Variants in LRFN2 observed in about 807,000 individuals in gnomAD.
LRFN2 encodes leucine rich repeat and fibronectin type III domain containing 2.
Under a neutral mutation model 37.3 loss-of-function variants are expected in LRFN2, and 18 were observed. The observed-to-expected ratio is 0.48, with a 90% CI of 0.33 to 0.72. The LOEUF (loss-of-function observed/expected upper bound fraction) is 0.72. Ranked by LOEUF, LRFN2 falls within the 30% of genes least tolerant of loss-of-function variation. The probability of loss-of-function intolerance (pLI) is 0.02; values close to 1 mark genes in which losing one functional copy is unlikely to be tolerated. For synonymous variants in LRFN2, 556 were observed against 466.6 expected (o/e 1.19, Z -2.47); for missense variants, 1,006 against 1,060.7 (o/e 0.95, Z 0.72).
chr6:40,439,777 C>T (rs1270038849), intron 1 of LRFN2, among the ~76,000 whole-genome samples: 1 of 152,160 alleles, frequency 6.6e-6, no homozygotes. Flanking sequence ...GAAGCAGGCT[C>T]AATGAGTGTG....
chr6:40,568,928 A>G (rs1227511960), intron 1 of LRFN2, among the ~76,000 whole-genome samples: 4 of 152,176 alleles, frequency 2.6e-5, no homozygotes, highest in Non-Finnish European at 5.9e-5. Context: ...TCTAACGGAT[A>G]AAGAAACTAA....
At chr6:40,469,168 G>A (rs1764540319) in intron 1 of LRFN2, among the ~76,000 whole-genome samples, 1 of 152,126 alleles carries the variant, frequency 6.6e-6, no homozygotes, top group African/African-American at 2.4e-5. Context: ...ACCGAGGCAG[G>A]GGTTGGAATG....
chr6:40,494,940 C>A (rs1283902540), intron 1 of LRFN2, among the ~76,000 whole-genome samples: 1 of 152,094 alleles, frequency 6.6e-6, no homozygotes, highest in Non-Finnish European at 1.5e-5. Context: ...TGTCCTTGGA[C>A]TTATCTCCTT....
chr6:40,421,759 G>T lies in LRFN2; in HGVS notation c.1400+9955C>A, dbSNP rs576906538. Among the ~76,000 whole-genome samples, 51 of 152,278 alleles carry T rather than the reference G, an allele frequency of 3.3e-4. 1 individual carries two copies. The highest frequency in any genetic ancestry group is 2.1e-4 in the South Asian group (1 of 4,818). ...AACTTTGGAATGCTCTTGACTGAAT[G>T]GAGGGGTTCATTCAATTGGTTGGTG... On this transcript the variant is annotated intron_variant, in intron 2 of 2. Transcript: ENST00000338305.
chr6:40,444,388 A>G (rs1561858538), intron 1 of LRFN2, among the ~76,000 whole-genome samples: 1 of 152,226 alleles, frequency 6.6e-6, no homozygotes, highest in African/African-American at 2.4e-5. Flanking sequence ...TGGTTTTGCC[A>G]TTTATAGAAC....
At chr6:40,394,736 G>A (rs1009625343) in intron 2 of LRFN2, among the ~76,000 whole-genome samples, 2 of 152,066 alleles carry the variant, frequency 1.3e-5, no homozygotes, top group African/African-American at 2.4e-5. Flanking sequence ...GGGACCTGGT[G>A]GGAGGTAATT....
Position 40,475,163 on chromosome 6 carries a change from G to C in LRFN2, c.-18-42032C>G, listed in dbSNP as rs137921373. ...AGGACCCTTGCTCCATAGCAAGCCAGCTGCAGCCTGGGCACCAGCACTGAG... is the reference window on the plus strand; with the variant it reads ...AGGACCCTTGCTCCATAGCAAGCCACCTGCAGCCTGGGCACCAGCACTGAG... On this transcript the variant is annotated intron_variant, in intron 1 of 2. Transcript: ENST00000338305. Among the ~76,000 whole-genome samples the C allele has an allele frequency of 6.6e-5, 10 of 152,310 alleles. No individual in the cohort carries two copies. In the East Asian group the frequency reaches 1.9e-3, roughly 29 times the overall value.
intron 1 of LRFN2, among the ~76,000 whole-genome samples, chr6:40,501,355 C>G (rs1472444872): frequency 6.6e-6 from 1 of 151,976 alleles, no homozygotes; most frequent in African/African-American, 2.4e-5. Flanking sequence ...GGGTCTCACT[C>G]TGTCACCCAG....
intron 2 of LRFN2, among the ~76,000 whole-genome samples, chr6:40,408,558 G>A (rs992545070): frequency 4.6e-5 from 7 of 152,178 alleles, no homozygotes; most frequent in Admixed American, 1.3e-4. Context: ...GGAAGAAGTC[G>A]CTGAAGATCC....
At chr6:40,533,331 T>C (rs1766383751) in intron 1 of LRFN2, among the ~76,000 whole-genome samples, 1 of 151,442 alleles carries the variant, frequency 6.6e-6, no homozygotes, top group African/African-American at 2.4e-5. Flanking sequence ...CTCTAAAAAG[T>C]ATATGAGTGG....
chr6:40,586,244 A>G (rs1316268892), intron 1 of LRFN2, among the ~76,000 whole-genome samples: 1 of 152,064 alleles, frequency 6.6e-6, no homozygotes, highest in Non-Finnish European at 1.5e-5. Flanking sequence ...CAACCTTAGA[A>G]CCAGGGCAGG....
intron 1 of LRFN2, among the ~76,000 whole-genome samples, chr6:40,533,330 GTA>G (rs1766383810): frequency 6.7e-6 from 1 of 149,548 alleles, no homozygotes; most frequent in African/African-American, 2.5e-5. Context: ...GCTCTAAAAA[GTA>G]TATGAGTGGG....
At chr6:40,529,582 G>C (rs952342246) in intron 1 of LRFN2, among the ~76,000 whole-genome samples, 2 of 152,192 alleles carry the variant, frequency 1.3e-5, no homozygotes, top group African/African-American at 4.8e-5. Context: ...AAGAGCCTAT[G>C]GACTGTCTGT....
chr6:40,421,038 T>G (rs1763217365), intron 2 of LRFN2, among the ~76,000 whole-genome samples: 1 of 152,216 alleles, frequency 6.6e-6, no homozygotes, highest in Admixed American at 6.5e-5. Flanking sequence ...TGTTAAAGGC[T>G]GAGGGCTGAT....
intron 1 of LRFN2, among the ~76,000 whole-genome samples, chr6:40,566,824 T>C (rs1290323564): frequency 6.6e-6 from 1 of 152,020 alleles, no homozygotes; most frequent in Admixed American, 6.6e-5. Context: ...ACATGGCACA[T>C]GTATACATAT....
intron 1 of LRFN2, among the ~76,000 whole-genome samples, chr6:40,484,220 G>A (rs967559879): frequency 1.3e-5 from 2 of 152,200 alleles, no homozygotes; most frequent in African/African-American, 2.4e-5. Context: ...AGCAGACAGC[G>A]GGCCCTGACA....
chr6:40,412,576 G>C (rs1762995655), intron 2 of LRFN2, among the ~76,000 whole-genome samples: 1 of 152,188 alleles, frequency 6.6e-6, no homozygotes, highest in Non-Finnish European at 1.5e-5. Context: ...CTGGGGTCAA[G>C]TCTTATCCCT....
chr6:40,466,292 T>G (rs1764464923), intron 1 of LRFN2, among the ~76,000 whole-genome samples: 2 of 152,156 alleles, frequency 1.3e-5, no homozygotes, highest in African/African-American at 4.8e-5. Flanking sequence ...GGAGAACCTA[T>G]AAATGCGTTA....
chr6:40,555,294 G>T (rs1356188623), intron 1 of LRFN2, among the ~76,000 whole-genome samples: 1 of 152,212 alleles, frequency 6.6e-6, no homozygotes, highest in Non-Finnish European at 1.5e-5. Context: ...GGCCCTAGGG[G>T]GATAGGCACC....
Sources: allele counts gnomAD v4.1 joint callset (sites outside exome capture counted in the v4.1 genomes callset), GRCh38; gene constraint gnomAD v4.1.1; transcripts MANE v1.5; gene names NCBI Gene and HGNC (gene_info 2026-07-23, HGNC 2026-07-21).